Variants in KCNK2 observed in about 807,000 individuals in gnomAD.
KCNK2 encodes the protein potassium two pore domain channel subfamily K member 2.
In KCNK2, 21 loss-of-function variants were observed where a neutral mutation model predicts 40.5. The ratio of observed to expected loss-of-function variants is 0.52; its 90% CI spans 0.37 to 0.75. The LOEUF is 0.75. KCNK2 is among the 30% of genes least tolerant of loss of function. The pLI, the probability that KCNK2 is intolerant of heterozygous loss-of-function variation, is 0.00. For synonymous variants in KCNK2, 191 were observed against 202.2 expected, an observed-to-expected ratio of 0.94 and a Z score of 0.47; for missense variants, 399 against 531.6, an observed-to-expected ratio of 0.75 and a Z score of 2.45.
intron 1 of KCNK2, among the ~76,000 whole-genome samples, chr1:215,060,269 G>A (rs993091378): frequency 2.6e-5 from 4 of 152,134 alleles, no homozygotes; most frequent in African/African-American, 9.7e-5. Flanking sequence ...GAGGAGTCAA[G>A]GGGAGATGCT....
At chr1:215,053,932 A>C (rs909750717) in intron 1 of KCNK2, among the ~76,000 whole-genome samples, 2 of 152,166 alleles carry the variant, frequency 1.3e-5, no homozygotes, top group Non-Finnish European at 2.9e-5. Context: ...GCACCCCTGC[A>C]CTCCGGCCTG....
In KCNK2 at chr1:215,236,611, T is replaced by A. The variant is rs1666908797; in HGVS notation, c.*1466T>A. On this transcript the variant is annotated 3_prime_UTR_variant, in exon 7 of 7. Transcript: ENST00000444842. ...GGATGGTTCCAAGATTCAGAAAAAA[T>A]TCAGTAAATGCACCCCGTAAATTGC... 6.6e-6 allele frequency: 1 copy of A among 152,550 alleles called. No individual in the cohort carries two copies. The highest frequency in any genetic ancestry group is 2.4e-5 in the African/African-American group (1 of 41,420). The allele number at this position is 152,550 out of a possible 1,614,324, so 9.4% of individuals were successfully genotyped here.
intron 2 of KCNK2, among the ~76,000 whole-genome samples, chr1:215,092,137 AG>A (rs755221008): frequency 2.0e-5 from 3 of 152,104 alleles, no homozygotes; most frequent in Non-Finnish European, 4.4e-5. Flanking sequence ...GTAAGAAATG[AG>A]GGGGGCTTGA....
At chr1:215,143,036 C>G (rs1662252517) in intron 3 of KCNK2, among the ~76,000 whole-genome samples, 3 of 152,112 alleles carry the variant, frequency 2.0e-5, no homozygotes. Flanking sequence ...TACTTCACTT[C>G]AAGATCAAAT....
chr1:215,086,799 T>G, intron 2 of KCNK2, 121 bp downstream of exon 2: 1 of 823,902 alleles, frequency 1.2e-6, no homozygotes, highest in East Asian at 2.4e-5. Context: ...CCCACCTCAT[T>G]TGCCTTAACA....
At chr1:215,114,954 T>C (rs1356955626) in intron 2 of KCNK2, among the ~76,000 whole-genome samples, 2 of 151,708 alleles carry the variant, frequency 1.3e-5, no homozygotes, top group African/African-American at 4.8e-5. Context: ...GGAAGTTTGA[T>C]TTATTCAAAT....
intron 3 of KCNK2, among the ~76,000 whole-genome samples, chr1:215,148,919 C>A (rs796165998): frequency 1.3e-5 from 2 of 152,030 alleles, no homozygotes; most frequent in African/African-American, 4.8e-5. Context: ...ATGAAGGAAT[C>A]GGGAAAGTTC....
At chr1:215,071,293 C>T (rs772603476) in intron 1 of KCNK2, among the ~76,000 whole-genome samples, 2 of 152,156 alleles carry the variant, frequency 1.3e-5, no homozygotes, top group East Asian at 3.9e-4. Context: ...CAGTTATTAC[C>T]TAATCATGCA....
At chr1:215,149,176 G>A (rs1048373595) in intron 3 of KCNK2, among the ~76,000 whole-genome samples, 1 of 152,134 alleles carries the variant, frequency 6.6e-6, no homozygotes, top group Non-Finnish European at 1.5e-5. Flanking sequence ...AGGTAGTGGC[G>A]GTGGAACTGC....
At chr1:215,093,724 ATATATAATATATAATATAAAAATATAT>A (rs1267514150) in intron 2 of KCNK2, among the ~76,000 whole-genome samples, 11 of 91,018 alleles carry the variant, frequency 1.2e-4, no homozygotes, top group African/African-American at 5.0e-4. Flanking sequence ...TTATATAAAA[ATATATAATATATAATATAAAAATATAT>A]TATATATTAT....
At chr1:215,006,244 CAT>C (rs1656123916) in intron 1 of KCNK2, among the ~76,000 whole-genome samples, 1 of 152,186 alleles carries the variant, frequency 6.6e-6, no homozygotes, top group Non-Finnish European at 1.5e-5. Context: ...AATTGATCAA[CAT>C]GTGTATCTAT....
At chr1:215,068,785 A>G (rs1210269937) in intron 1 of KCNK2, among the ~76,000 whole-genome samples, 1 of 152,210 alleles carries the variant, frequency 6.6e-6, no homozygotes, top group Non-Finnish European at 1.5e-5. Context: ...TTAGTAGTAT[A>G]TACATATTAT....
At chr1:215,218,426 T>C (rs908897667) in intron 6 of KCNK2, among the ~76,000 whole-genome samples, 4 of 152,202 alleles carry the variant, frequency 2.6e-5, no homozygotes, top group Non-Finnish European at 5.9e-5. Flanking sequence ...TACCCGACTA[T>C]GTCCTACTCT....
chr1:215,089,922 G>A (rs969647676), intron 2 of KCNK2, among the ~76,000 whole-genome samples: 1 of 151,308 alleles, frequency 6.6e-6, no homozygotes, highest in East Asian at 1.9e-4. Context: ...TGCCTCTTGG[G>A]TTCAAGTGAT....
At chr1:215,144,079 T>C (rs908569216) in intron 3 of KCNK2, among the ~76,000 whole-genome samples, 1 of 152,190 alleles carries the variant, frequency 6.6e-6, no homozygotes, top group Non-Finnish European at 1.5e-5. Context: ...AAACCTTGTA[T>C]GATATTTAGG....
intron 1 of KCNK2, among the ~76,000 whole-genome samples, chr1:215,065,430 A>G (rs72733203): frequency 8.5e-5 from 13 of 152,260 alleles, no homozygotes; most frequent in Non-Finnish European, 1.9e-4. Flanking sequence ...GGAAGAAGTG[A>G]AGTTAAGCAT....
chr1:215,175,268 T>G (rs1001226460), intron 5 of KCNK2, among the ~76,000 whole-genome samples: 1 of 152,116 alleles, frequency 6.6e-6, no homozygotes, highest in Non-Finnish European at 1.5e-5. Flanking sequence ...CTTCAACATA[T>G]CTTGGAGGAC....
intron 2 of KCNK2, among the ~76,000 whole-genome samples, chr1:215,104,776 A>G (rs535834809): frequency 1.1e-4 from 17 of 152,126 alleles, no homozygotes; most frequent in Non-Finnish European, 2.5e-4. Flanking sequence ...TGTATGGTAA[A>G]TGAATGAAAA....
At chr1:215,188,719 T>G (rs2102657280) in intron 5 of KCNK2, among the ~76,000 whole-genome samples, 1 of 152,224 alleles carries the variant, frequency 6.6e-6, no homozygotes, top group African/African-American at 2.4e-5. Context: ...AGCTGATAAC[T>G]GAGTAGAAAT....
Sources: allele counts gnomAD v4.1 joint callset (sites outside exome capture counted in the v4.1 genomes callset), GRCh38; gene constraint gnomAD v4.1.1; transcripts MANE v1.5; gene names NCBI Gene and HGNC (gene_info 2026-07-23, HGNC 2026-07-21).